PSG11: variants seen among roughly 807,000 people sequenced by gnomAD.
PSG11 encodes the protein pregnancy-specific beta-1-glycoprotein 11.
Under a neutral mutation model 36.0 loss-of-function variants are expected in PSG11, and 42 were observed. The ratio of observed to expected loss-of-function variants is 1.17; its 90% CI spans 0.91 to 1.51. The LOEUF (loss-of-function observed/expected upper bound fraction) is 1.51. PSG11 is among the 40% of genes most tolerant of loss of function. PSG11 has a pLI of 0.00. For missense variants in PSG11, 558 were observed against 403.5 expected, an observed-to-expected ratio of 1.38 and a Z score of -3.28; for synonymous variants, 206 against 153.5, an observed-to-expected ratio of 1.34 and a Z score of -2.53.
intron 2 of PSG11, among the ~76,000 whole-genome samples, chr19:43,022,620 GT>G (rs1599680208): frequency 6.6e-6 from 1 of 151,422 alleles, no homozygotes; most frequent in Non-Finnish European, 1.5e-5. Flanking sequence ...GTGTGTGTGT[GT>G]GCAGGAGGCC....
chr19:43,007,675 T>G lies in PSG11; in HGVS notation c.*408A>C, dbSNP rs1973963628. ...TCTTACTAAACTTGTGCAAATAACT[T>G]TATTACCATAAACATATGAATATTC... On this transcript the variant is annotated 3_prime_UTR_variant, in exon 6 of 6. Transcript: ENST00000320078. 1 of 163,922 alleles carries G rather than the reference T, an allele frequency of 6.1e-6. No homozygotes were observed. The highest frequency in any genetic ancestry group is 1.3e-5 in the Non-Finnish European group (1 of 75,324). The allele number at this position is 163,922 out of a possible 1,614,324, so 10.2% of individuals were successfully genotyped here.
At chr19:43,014,816 A>T in intron 4 of PSG11, 1 of 1,264,078 alleles carries the variant, frequency 7.9e-7, no homozygotes, top group Non-Finnish European at 1.0e-6. Context: ...AAGCAACTCG[A>T]TGTTCAGCAC....
Position 43,010,002 on chromosome 19 carries a change from G to T in PSG11, c.1004C>A (p.Thr335Lys), listed in dbSNP as rs375037988. The change falls in exon 5 of 6, where the codon ACG (threonine) becomes AAG (lysine). Residue 335 changes from threonine (T) to lysine (K), a missense_variant. Transcript: ENST00000320078. ...ACAAAAATGACATCACGGCTGCTAC[G>T]TTGGATTATTGAAAGCAAAAGTTCC... ...GLGTFAFNNP[T>K] 3 of 1,608,332 alleles carry T rather than the reference G, an allele frequency of 1.9e-6. No homozygotes were observed. Among genetic ancestry groups the T allele is most frequent in the African/African-American group, 1.3e-5 (1 of 74,370 alleles).
intron 3 of PSG11, chr19:43,017,171 G>C (rs1962504): frequency 0.54 from 81,081 of 150,760 alleles, 23,621 homozygotes; most frequent in East Asian, 0.99. Context: ...ATCTGCTGTA[G>C]AGCTTGATGC....
At chr19:43,021,978 C>G (rs538650587) in intron 2 of PSG11, among the ~76,000 whole-genome samples, 2 of 151,544 alleles carry the variant, frequency 1.3e-5, no homozygotes, top group South Asian at 2.1e-4. Context: ...TCACTCATTC[C>G]TGCACATAGA....
chr19:43,015,509 C>G, intron 3 of PSG11, 139 bp from the exon 4 acceptor site: 29 of 1,335,554 alleles, frequency 2.2e-5, no homozygotes, highest in Non-Finnish European at 2.8e-5. Context: ...GTTCACTGAG[C>G]TGAAGCCTGA....
chr19:43,021,221 T>C (rs192806137), intron 2 of PSG11, among the ~76,000 whole-genome samples: 1 of 151,550 alleles, frequency 6.6e-6, no homozygotes, highest in Admixed American at 6.6e-5. Flanking sequence ...TGATCCACTT[T>C]TTTTCCCTAC....
intron 4 of PSG11, chr19:43,010,853 A>T (rs1461353522): frequency 1.3e-5 from 2 of 148,718 alleles, no homozygotes; most frequent in African/African-American, 5.0e-5. Context: ...AGTAGTCAGT[A>T]GCCTTGTTCT....
chr19:43,022,850 T>G, intron 2 of PSG11, among the ~76,000 whole-genome samples: 1 of 148,748 alleles, frequency 6.7e-6, no homozygotes, highest in African/African-American at 2.5e-5. Flanking sequence ...TCCTGGGAGG[T>G]GGGCCAGGCC....
chr19:43,018,719 A>G, intron 3 of PSG11, 51 bp downstream of exon 3: 2 of 1,611,856 alleles, frequency 1.2e-6, no homozygotes, highest in South Asian at 2.2e-5. Context: ...GCCTCTGGCC[A>G]TGTGTATTTG....
intron 2 of PSG11, among the ~76,000 whole-genome samples, chr19:43,024,235 C>A (rs1165140648): frequency 6.6e-6 from 1 of 151,354 alleles, no homozygotes; most frequent in Non-Finnish European, 1.5e-5. Flanking sequence ...CCCAAGAAGC[C>A]ACAACCCAGC....
At position 43,018,517 on chromosome 19, in the gene PSG11, G is replaced by A. The variant is rs2047785320; in HGVS notation, c.709+253C>T. The A allele has an allele frequency of 5.8e-6, 5 of 869,246 alleles. No homozygotes were observed. In the South Asian group the frequency reaches 7.1e-5, roughly 12 times the overall value. 53.8% of individuals were successfully genotyped at this position (869,246 alleles called of 1,614,324 possible). A position where few individuals can be genotyped will look rare whatever the true frequency, so the allele number is the denominator to read the frequency against. On this transcript the variant is annotated intron_variant, in intron 3 of 5. Coordinates refer to ENST00000320078, the MANE Select transcript of PSG11 (RefSeq NM_002785.3). ...CGCTGTGTTCACTGATCTGGAGCCT[G>A]AGACATTCACCTGTTTCTCCCATCA...
In PSG11 at chr19:43,010,021, A is replaced by G. The variant is rs147997932; in HGVS notation, c.985T>C (p.Phe329Leu). ...TGCTACGTTGGATTATTGAAAGCAA[A>G]AGTTCCTAATCCTGGAGGAGCTGTC... Reference protein sequence around the residue: ...RVIAPPGLGTFAFNNPT With the variant: ...RVIAPPGLGTLAFNNPT The change falls in exon 5 of 6, where the codon TTT becomes CTT. Residue 329 changes from phenylalanine (F) to leucine (L), a missense_variant. Phe to Leu is a conservative substitution (Grantham distance 22). Transcript: ENST00000320078. 6.2e-7 allele frequency: 1 copy of G among 1,609,918 alleles called. No individual in the cohort carries two copies. Among genetic ancestry groups the G allele is most frequent in the African/African-American group, 1.3e-5 (1 of 74,356 alleles).
chr19:43,023,906 C>T (rs1239966567), intron 2 of PSG11, among the ~76,000 whole-genome samples: 2 of 151,452 alleles, frequency 1.3e-5, no homozygotes, highest in Non-Finnish European at 2.9e-5. Context: ...ACACAAGCAG[C>T]ATTTATTATT....
chr19:43,011,500 A>T (rs1458874203), intron 4 of PSG11, among the ~76,000 whole-genome samples: 1 of 151,394 alleles, frequency 6.6e-6, no homozygotes, highest in Non-Finnish European at 1.5e-5. Flanking sequence ...TGAAACCAAA[A>T]GTTGATTCTT....
chr19:43,013,430 A>G (rs540995527), intron 4 of PSG11, among the ~76,000 whole-genome samples: 4 of 151,526 alleles, frequency 2.6e-5, no homozygotes, highest in African/African-American at 9.7e-5. Flanking sequence ...CCAAAAACCC[A>G]ATTAAAAAAT....
intron 2 of PSG11, among the ~76,000 whole-genome samples, chr19:43,021,089 G>T (rs1014427308): frequency 9.2e-5 from 14 of 151,470 alleles, no homozygotes; most frequent in Admixed American, 9.2e-4. Flanking sequence ...CCTCCAACTA[G>T]TCCCCAAAAC....
chr19:43,015,303 C>A lies in PSG11; in HGVS notation c.777G>T (p.Leu259Phe). The A allele has an allele frequency of 1.2e-6, 2 of 1,610,296 alleles. No homozygotes were observed. The highest frequency in any genetic ancestry group is 1.7e-6 in the Non-Finnish European group (2 of 1,177,432). ...GTGGGTTAGAGTTTGCGAAGCAGGACAAGTCGAGGTTCTCTCCTGAATAGT... is the reference window on the plus strand; with the variant it reads ...GTGGGTTAGAGTTTGCGAAGCAGGAAAAGTCGAGGTTCTCTCCTGAATAGT... ...TSYYSGENLD[L>F]SCFANSNPPA... The change falls in exon 4 of 6, where the codon TTG becomes TTT. Residue 259 changes from leucine to phenylalanine, a missense_variant. Transcript: ENST00000320078.
chr19:43,017,770 G>A (rs574996004), intron 3 of PSG11, among the ~76,000 whole-genome samples: 6 of 151,480 alleles, frequency 4.0e-5, no homozygotes, highest in South Asian at 2.1e-4. Context: ...TAATGATATT[G>A]TCTTTAATTT....
Sources: allele counts gnomAD v4.1 joint callset (sites outside exome capture counted in the v4.1 genomes callset), GRCh38; gene constraint gnomAD v4.1.1; transcripts MANE v1.5; gene names NCBI Gene and HGNC (gene_info 2026-07-23, HGNC 2026-07-21).